The following MAD2L1BP variants were observed in gnomAD, a reference collection of about 807,000 sequenced individuals.
MAD2L1BP encodes the protein MAD2L1-binding protein.
MAD2L1BP carries 22 observed loss-of-function variants against 28.4 expected under a neutral mutation model. The observed-to-expected ratio is 0.77, with a 90% CI of 0.55 to 1.10. The LOEUF (loss-of-function observed/expected upper bound fraction) is 1.10. MAD2L1BP is among the 50% of genes least tolerant of loss of function. The probability of loss-of-function intolerance (pLI) is 0.00; values close to 1 mark genes in which losing one functional copy is unlikely to be tolerated. For synonymous variants in MAD2L1BP, 146 were observed against 133.7 expected, an observed-to-expected ratio of 1.09 and a Z score of -0.63; for missense variants, 325 against 350.5, an observed-to-expected ratio of 0.93 and a Z score of 0.58.
chr6:43,636,830 T>G, intron 2 of MAD2L1BP, 184 bp downstream of exon 2: 1 of 669,034 alleles, frequency 1.5e-6, no homozygotes, highest in Admixed American at 3.0e-5. Flanking sequence ...TCAACTGTTC[T>G]TTCTTTCTGA....
chr6:43,640,702 G>C lies in MAD2L1BP; in HGVS notation c.*169G>C. The stretch of plus-strand genomic sequence containing the variant: ...ATTTCCTGATAGGCTGATGGCATGT[G>C]GCTGTGACTGTGACTGTAATCATTG... On this transcript the variant is annotated 3_prime_UTR_variant, in exon 3 of 3. Transcript: ENST00000372171. 1 of 634,920 alleles carries C rather than the reference G, an allele frequency of 1.6e-6. No homozygotes were observed. 39.3% of individuals were successfully genotyped at this position (634,920 alleles called of 1,614,324 possible). A position where few individuals can be genotyped will look rare whatever the true frequency, so the allele number is the denominator to read the frequency against.
chr6:43,639,366 C>G (rs1770441020), intron 2 of MAD2L1BP, among the ~76,000 whole-genome samples: 1 of 152,144 alleles, frequency 6.6e-6, no homozygotes, highest in African/African-American at 2.4e-5. Context: ...GTCTTGATCT[C>G]CTGACCTTGT....
chr6:43,638,850 A>ATGAGC (rs1770409236), intron 2 of MAD2L1BP, among the ~76,000 whole-genome samples: 1 of 151,632 alleles, frequency 6.6e-6, no homozygotes, highest in Non-Finnish European at 1.5e-5. Flanking sequence ...CCTGGGCCTT[A>ATGAGC]TGAGCTGATA....
At chr6:43,630,252 A>G (rs764044223) in intron 1 of MAD2L1BP, among the ~76,000 whole-genome samples, 5 of 146,692 alleles carry the variant, frequency 3.4e-5, no homozygotes, top group Non-Finnish European at 6.2e-5. Context: ...TACAGAGTAC[A>G]TACATTCAGC....
upstream of MAD2L1BP, chr6:43,633,247 AC>A (rs1421088670): frequency 4.9e-6 from 2 of 410,470 alleles, no homozygotes; most frequent in Non-Finnish European, 9.5e-6. Flanking sequence ...ACCTCAGCTC[AC>A]CACAACTTCC....
rs1770505863 is a variant in MAD2L1BP at position 43,640,511 on chromosome 6, C to T, written c.803C>T (p.Thr268Ile). The T allele has an allele frequency of 6.3e-7, 1 of 1,592,856 alleles. No individual in the cohort carries two copies. Among genetic ancestry groups the T allele is most frequent in the Non-Finnish European group, 8.6e-7 (1 of 1,169,174 alleles). ...EDYIWFQAPVTFKGFRE is the reference protein window; with the variant it reads ...EDYIWFQAPVIFKGFRE Reference sequence around the variant, plus strand: ...TACATTTGGTTCCAGGCACCAGTGACATTTAAAGGCTTCCGCGAGTGAATG... The same window carrying T: ...TACATTTGGTTCCAGGCACCAGTGATATTTAAAGGCTTCCGCGAGTGAATG... The change falls in exon 3 of 3, where the codon ACA becomes ATA. Residue 268 changes from threonine to isoleucine, a missense_variant. Transcript: ENST00000372171.
rs1053610914 is a variant in MAD2L1BP at position 43,629,837 on chromosome 6, G to GA, written c.20+69dup. The GA allele has an allele frequency of 3.3e-5, 50 of 1,515,014 alleles. No homozygotes were observed. The African/African-American group carries it at 5.4e-4, about 16-fold the overall frequency. 93.8% of individuals were successfully genotyped at this position (1,515,014 alleles called of 1,614,324 possible). Reference sequence around the variant, plus strand: ...GCCAAATTACGGCTGTTATTGTTGGGATGATTATGCTACCTTTACATAGTA... The same window carrying GA: ...GCCAAATTACGGCTGTTATTGTTGGGAATGATTATGCTACCTTTACATAGTA... On this transcript the variant is annotated intron_variant, in intron 1 of 3. Coordinates refer to the MAD2L1BP transcript ENST00000451025.
Position 43,636,402 on chromosome 6 carries a change from C to G in MAD2L1BP, c.68C>G (p.Ser23Cys). 6.2e-7 allele frequency: 1 copy of G among 1,614,106 alleles called. No individual in the cohort carries two copies. Among genetic ancestry groups the G allele is most frequent in the Non-Finnish European group, 8.5e-7 (1 of 1,180,024 alleles). ...AVPDLEWYEK[S>C]EETHASQIEL... ...CCAGATTTGGAGTGGTATGAGAAGT[C>G]CGAAGAAACTCACGCCTCCCAGATA... Residue 23 changes from serine to cysteine, a missense_variant, in exon 2 of 3, where the codon TCC becomes TGC. Ser to Cys is a moderately radical substitution (Grantham distance 112, BLOSUM62 -1). Coordinates refer to ENST00000372171, the MANE Select transcript of MAD2L1BP (RefSeq NM_014628.3).
chr6:43,633,705 C>T (rs1770048803), upstream of MAD2L1BP, among the ~76,000 whole-genome samples: 1 of 151,982 alleles, frequency 6.6e-6, no homozygotes, highest in African/African-American at 2.4e-5. Flanking sequence ...CATGCCTGGC[C>T]CCACTTGTCT....
chr6:43,632,592 T>C (rs992237441), upstream of MAD2L1BP, among the ~76,000 whole-genome samples: 2 of 151,748 alleles, frequency 1.3e-5, no homozygotes, highest in African/African-American at 4.8e-5. Context: ...ACTTTTATAG[T>C]ATGTTTTGAC....
chr6:43,640,758 A>G lies in MAD2L1BP; in HGVS notation c.*225A>G. The G allele has an allele frequency of 1.9e-6, 1 of 518,962 alleles. No individual in the cohort carries two copies. Among genetic ancestry groups the G allele is most frequent in the Non-Finnish European group, 3.3e-6 (1 of 300,410 alleles). 32.1% of individuals were successfully genotyped at this position (518,962 alleles called of 1,614,324 possible). On this transcript the variant is annotated 3_prime_UTR_variant, in exon 3 of 3. Coordinates refer to ENST00000372171, the MANE Select transcript of MAD2L1BP (RefSeq NM_014628.3). The stretch of plus-strand genomic sequence containing the variant: ...CAACATCTCTTTGAATCAAAGGTTG[A>G]TTTTCCCAGAGGGTGCTGGGTCAGG...
upstream of MAD2L1BP, among the ~76,000 whole-genome samples, chr6:43,632,745 G>C (rs545782279): frequency 1.2e-3 from 177 of 150,590 alleles, 1 homozygote; most frequent in African/African-American, 3.9e-3. Flanking sequence ...ACTCAGCCGG[G>C]TGCGGTGGCT....
chr6:43,635,514 G>A (rs190816706), upstream of MAD2L1BP, among the ~76,000 whole-genome samples: 21 of 152,344 alleles, frequency 1.4e-4, no homozygotes, highest in Non-Finnish European at 7.4e-5. Context: ...CACGGGGCCC[G>A]CGCCTGGCTT....
At position 43,636,979 on chromosome 6, in the gene MAD2L1BP, G is replaced by T. The variant is rs186781210; in HGVS notation, c.312+333G>T. The T allele has an allele frequency of 3.5e-4, 69 of 199,338 alleles. 1 individual carries two copies. The highest frequency in any genetic ancestry group is 2.1e-3 in the Middle Eastern group (1 of 484). The allele number at this position is 199,338 out of a possible 1,614,324, so 12.3% of individuals were successfully genotyped here. On this transcript the variant is annotated intron_variant, in intron 2 of 2. Transcript: ENST00000372171. ...TGCAACCTCCGCCTCCCAGGTTCAA[G>T]CGATTCTGCTGCCTCAGCCTCCCGA...
At position 43,640,561 on chromosome 6, in the gene MAD2L1BP, A is replaced by G. The variant is rs1347177940; in HGVS notation, c.*28A>G. On this transcript the variant is annotated 3_prime_UTR_variant, in exon 3 of 3. Coordinates refer to ENST00000372171, the MANE Select transcript of MAD2L1BP (RefSeq NM_014628.3). ...GAGTGCTTCTTAATCCTAAAAACAC[A>G]ATGGCTGAATTATCTTTCTCCATGT... is the stretch of plus-strand genomic sequence containing the variant. 1.3e-6 allele frequency: 2 copies of G among 1,529,744 alleles called. No homozygotes were observed. Among genetic ancestry groups the G allele is most frequent in the Non-Finnish European group, 1.8e-6 (2 of 1,137,832 alleles). 94.8% of individuals were successfully genotyped at this position (1,529,744 alleles called of 1,614,324 possible). A position where few individuals can be genotyped will look rare whatever the true frequency, so the allele number is the denominator to read the frequency against.
exon 1 of MAD2L1BP, chr6:43,629,569 TG>T (rs1769764813): frequency 1.5e-6 from 1 of 687,992 alleles, no homozygotes; most frequent in East Asian, 2.7e-5. Context: ...AGGCCTGGGG[TG>T]GGGACGCGAG....
chr6:43,638,197 C>A (rs1244156307), intron 2 of MAD2L1BP, among the ~76,000 whole-genome samples: 9 of 151,428 alleles, frequency 5.9e-5, no homozygotes, highest in Non-Finnish European at 7.4e-5. Flanking sequence ...TGCTCCTGGC[C>A]CACCTGGCTA....
chr6:43,634,220 C>CTTTTTT (rs751773637), upstream of MAD2L1BP, among the ~76,000 whole-genome samples: 1 of 103,664 alleles, frequency 9.6e-6, no homozygotes, highest in Non-Finnish European at 1.9e-5. Context: ...TTCTTTTTTT[C>CTTTTTT]TTTTTTTTTT....
intron 2 of MAD2L1BP, among the ~76,000 whole-genome samples, chr6:43,638,656 C>T (rs9462908): frequency 0.011 from 1,633 of 151,754 alleles, 31 homozygotes; most frequent in African/African-American, 0.037. Context: ...ATTAGCCGGG[C>T]GTGGTGGTGG....
Sources: gnomAD v4.1 joint callset for allele counts (sites outside exome capture counted in the v4.1 genomes callset) on GRCh38, gnomAD v4.1.1 for gene constraint, MANE v1.5 for transcripts, NCBI Gene and HGNC (gene_info 2026-07-23, HGNC 2026-07-21) for gene names.